Variants in SLC6A16 observed in about 807,000 individuals in gnomAD.
The protein encoded by SLC6A16 is solute carrier family 6 member 16.
Under a neutral mutation model 65.4 loss-of-function variants are expected in SLC6A16, and 54 were observed. The observed-to-expected ratio is 0.83, with a 90% CI of 0.66 to 1.04. The LOEUF (loss-of-function observed/expected upper bound fraction) is 1.04, where lower values mean the gene tolerates loss of function less well. SLC6A16 is among the 50% of genes least tolerant of loss of function. The pLI is 0.00. For missense variants in SLC6A16, 816 were observed against 914.0 expected, an observed-to-expected ratio of 0.89 and a Z score of 1.38; for synonymous variants, 330 against 346.5, an observed-to-expected ratio of 0.95 and a Z score of 0.53.
chr19:49,309,383 CAG>C lies in SLC6A16; in HGVS notation c.903_904del (p.Cys302PhefsTer47), dbSNP rs764341702. ...GATGAAGAAACCGACAATGATGAAA[CAG>C]GGGAGCAGTACCAAGACATAGATTA... On this transcript the variant is annotated frameshift_variant, in exon 6 of 12. Coordinates refer to ENST00000335875, the MANE Select transcript of SLC6A16 (RefSeq NM_014037.3). LOFTEE classifies it high-confidence loss of function. The C allele has an allele frequency of 1.2e-5, 19 of 1,614,016 alleles. No individual in the cohort carries two copies. Among genetic ancestry groups the C allele is most frequent in the Admixed American group, 1.0e-4 (6 of 59,968 alleles).
At chr19:49,305,686 T>C (rs1970373091) in intron 7 of SLC6A16, 1 of 151,296 alleles carries the variant, frequency 6.6e-6, no homozygotes. Flanking sequence ...AATGCAGCCA[T>C]GTCAGTGAAC....
At chr19:49,329,115 T>TA (rs1005563776), upstream of SLC6A16, among the ~76,000 whole-genome samples, 2 of 152,010 alleles carry the variant, frequency 1.3e-5, no homozygotes, top group Admixed American at 1.3e-4. Context: ...TTTTTTGAGA[T>TA]AGAGTCCTGC....
At chr19:49,324,524 C>A in intron 1 of SLC6A16, among the ~76,000 whole-genome samples, 1 of 152,114 alleles carries the variant, frequency 6.6e-6, no homozygotes. Context: ...CATGGTGCCC[C>A]TACACCGTCA....
chr19:49,315,285 A>C (rs1047205887), intron 1 of SLC6A16, among the ~76,000 whole-genome samples: 2 of 152,192 alleles, frequency 1.3e-5, no homozygotes, highest in Non-Finnish European at 2.9e-5. Context: ...ATCACTTGCC[A>C]AAGACCTTCT....
At chr19:49,312,866 C>A (rs1970547391) in intron 1 of SLC6A16, among the ~76,000 whole-genome samples, 1 of 152,050 alleles carries the variant, frequency 6.6e-6, no homozygotes, top group Non-Finnish European at 1.5e-5. Context: ...ATCTTTAGTT[C>A]TATCTCTACT....
chr19:49,305,419 C>T lies in SLC6A16; in HGVS notation c.1229+3457G>A, dbSNP rs184395681. On this transcript the variant is annotated intron_variant, in intron 7 of 11. Transcript: ENST00000335875. ...CCATCCTGGTGAACATGGTGAAACC[C>T]CGTCTCTACTAAAAATACAAAAATC... Among the ~76,000 whole-genome samples, 851 of 152,002 alleles carry T rather than the reference C, an allele frequency of 5.6e-3. 4 individuals carry two copies. Among genetic ancestry groups the T allele is most frequent in the Non-Finnish European group, 9.1e-3 (619 of 67,972 alleles).
upstream of SLC6A16, among the ~76,000 whole-genome samples, chr19:49,327,597 G>A (rs1429063990): frequency 2.0e-5 from 3 of 152,208 alleles, no homozygotes; most frequent in Non-Finnish European, 4.4e-5. Context: ...GCCCCACACT[G>A]TCCTAGACCC....
intron 7 of SLC6A16, among the ~76,000 whole-genome samples, chr19:49,306,925 C>T (rs1255474399): frequency 1.3e-5 from 2 of 151,880 alleles, no homozygotes; most frequent in African/African-American, 4.8e-5. Context: ...ATGATGGTTA[C>T]CTCTGGGAGG....
chr19:49,335,515 T>C, the SLC6A16 span: 86 of 1,583,422 alleles, frequency 5.4e-5, 1 homozygote, highest in South Asian at 8.1e-4. The surrounding 1 kb of genome is among the most constrained non-coding windows in gnomAD (Gnocchi z 4.6). Context: ...GTGTGGTGAG[T>C]GGACCGCTTA....
At chr19:49,311,678 G>A (rs1054220635) in intron 1 of SLC6A16, among the ~76,000 whole-genome samples, 2 of 151,472 alleles carry the variant, frequency 1.3e-5, no homozygotes, top group Non-Finnish European at 2.9e-5. Flanking sequence ...GTGAAACCCC[G>A]TCTCTACTAA....
intron 2 of SLC6A16, 39 bp downstream of exon 2, chr19:49,310,894 G>A (rs1970506005): frequency 1.4e-6 from 2 of 1,432,692 alleles, no homozygotes; most frequent in Admixed American, 1.8e-5. Context: ...TGTCCTGATT[G>A]CCCCTTGTGG....
chr19:49,340,181 C>A, the SLC6A16 span: 8 of 1,521,788 alleles, frequency 5.3e-6, no homozygotes, highest in African/African-American at 1.1e-4. Flanking sequence ...CCTTTCTCGC[C>A]CGGGTGGGCA....
At chr19:49,297,702 G>A (rs533129779) in intron 7 of SLC6A16, among the ~76,000 whole-genome samples, 2 of 152,216 alleles carry the variant, frequency 1.3e-5, no homozygotes, top group South Asian at 4.1e-4. Context: ...CCTCTGAGTA[G>A]GAGAATGGAT....
the SLC6A16 span, among the ~76,000 whole-genome samples, chr19:49,333,848 C>G: frequency 6.6e-6 from 1 of 152,202 alleles, no homozygotes; most frequent in Non-Finnish European, 1.5e-5. Context: ...TTGGGGACAT[C>G]AGAGGAAACT....
Position 49,325,132 on chromosome 19 carries a change from G to C in SLC6A16, c.-149C>G. 1 of 985,554 alleles carries C rather than the reference G, an allele frequency of 1.0e-6. No homozygotes were observed. Among genetic ancestry groups the C allele is most frequent in the South Asian group, 4.7e-5 (1 of 21,294 alleles). The allele number at this position is 985,554 out of a possible 1,614,324, so 61.1% of individuals were successfully genotyped here. A position where few individuals can be genotyped will look rare whatever the true frequency, so the allele number is the denominator to read the frequency against. On this transcript the variant is annotated 5_prime_UTR_variant, in exon 1 of 12. Transcript: ENST00000335875. ...GAAGAAGCCCCAGCTGAGAAGCCTAGCAATCTCCTCAGGCCCCTTCAGGCG... is the reference window on the plus strand; with the variant it reads ...GAAGAAGCCCCAGCTGAGAAGCCTACCAATCTCCTCAGGCCCCTTCAGGCG...
At chr19:49,310,293 G>A (rs1970490593) in intron 3 of SLC6A16, 60 bp downstream of exon 3, 1 of 1,606,206 alleles carries the variant, frequency 6.2e-7, no homozygotes, top group Non-Finnish European at 8.5e-7. Context: ...CATTTCAGGA[G>A]GAGGGTTGGG....
At chr19:49,333,223 A>G in the SLC6A16 span, among the ~76,000 whole-genome samples, 1 of 152,030 alleles carries the variant, frequency 6.6e-6, no homozygotes, top group Non-Finnish European at 1.5e-5. Context: ...CTGTAATCCC[A>G]GCACTTGGGG....
intron 1 of SLC6A16, among the ~76,000 whole-genome samples, chr19:49,311,870 A>G (rs1970530277): frequency 6.6e-6 from 1 of 151,950 alleles, no homozygotes; most frequent in Non-Finnish European, 1.5e-5. Context: ...AAAAAAAAAA[A>G]AGAAATGTTT....
the SLC6A16 span, chr19:49,331,755 A>G: frequency 1.1e-4 from 51 of 457,218 alleles, 2 homozygotes; most frequent in Middle Eastern, 1.3e-3. Context: ...TTCTGCACCC[A>G]TTCCATTGGC....
Sources: gnomAD v4.1 joint callset for allele counts (sites outside exome capture counted in the v4.1 genomes callset) on GRCh38, gnomAD v4.1.1 for gene constraint, Gnocchi (gnomAD v3.1) non-coding constraint, MANE v1.5 for transcripts, NCBI Gene and HGNC (gene_info 2026-07-23, HGNC 2026-07-21) for gene names.